Variants in DNER observed in about 807,000 individuals in gnomAD.
DNER encodes the protein delta/notch like EGF repeat containing.
Under a neutral mutation model 78.2 loss-of-function variants are expected in DNER, and 33 were observed. The ratio of observed to expected loss-of-function variants is 0.42; its 90% CI spans 0.32 to 0.56. The LOEUF is 0.56. DNER is among the 20% of genes least tolerant of loss of function. DNER has a pLI of 0.11. For missense variants in DNER, 918 were observed against 975.3 expected, an observed-to-expected ratio of 0.94 and a Z score of 0.78; for synonymous variants, 417 against 384.8, an observed-to-expected ratio of 1.08 and a Z score of -0.98.
chr2:229,430,602 T>G (rs1693982552), intron 8 of DNER, among the ~76,000 whole-genome samples: 1 of 152,062 alleles, frequency 6.6e-6, no homozygotes, highest in Non-Finnish European at 1.5e-5. Context: ...TCTTCAGTTT[T>G]GGAACTCGGA....
intron 1 of DNER, among the ~76,000 whole-genome samples, chr2:229,700,061 G>A (rs1203402880): frequency 2.0e-5 from 3 of 150,842 alleles, no homozygotes; most frequent in Non-Finnish European, 4.4e-5. Flanking sequence ...ATAGGAACAG[G>A]CAATTTCATT....
intron 7 of DNER, among the ~76,000 whole-genome samples, chr2:229,474,126 G>A (rs1382094001): frequency 6.6e-6 from 1 of 152,080 alleles, no homozygotes; most frequent in Non-Finnish European, 1.5e-5. Flanking sequence ...GGCTGGTCTT[G>A]TACTCCTGGC....
intron 1 of DNER, among the ~76,000 whole-genome samples, chr2:229,607,049 A>G (rs562177772): frequency 6.6e-6 from 1 of 152,328 alleles, no homozygotes; most frequent in South Asian, 2.1e-4. Context: ...GCAAAAAATT[A>G]CAAACCATAC....
intron 5 of DNER, among the ~76,000 whole-genome samples, chr2:229,543,026 G>A (rs993446918): frequency 6.6e-6 from 1 of 152,050 alleles, no homozygotes; most frequent in Non-Finnish European, 1.5e-5. Context: ...AATGACAGCC[G>A]AGGCTCTACT....
At chr2:229,417,668 A>G (rs1693680939) in intron 9 of DNER, among the ~76,000 whole-genome samples, 1 of 152,240 alleles carries the variant, frequency 6.6e-6, no homozygotes, top group South Asian at 2.1e-4. Context: ...CCTGTTTTTA[A>G]TAAGCATTAA....
chr2:229,676,495 C>T (rs551925110), intron 1 of DNER, among the ~76,000 whole-genome samples: 4 of 152,172 alleles, frequency 2.6e-5, no homozygotes, highest in African/African-American at 7.2e-5. Context: ...CTGAATGGCC[C>T]GATCCTAAGA....
At chr2:229,368,663 C>A (rs1183135216) in intron 11 of DNER, among the ~76,000 whole-genome samples, 3 of 152,168 alleles carry the variant, frequency 2.0e-5, no homozygotes, top group African/African-American at 7.2e-5. Flanking sequence ...ATATTGATTT[C>A]TTATTATAAA....
chr2:229,477,916 G>A (rs527678234), intron 6 of DNER, among the ~76,000 whole-genome samples: 1 of 152,320 alleles, frequency 6.6e-6, no homozygotes, highest in Admixed American at 6.5e-5. Flanking sequence ...CTACGCACAT[G>A]TGGTGAGGAA....
At chr2:229,517,725 A>G (rs918335424) in intron 5 of DNER, among the ~76,000 whole-genome samples, 4 of 152,190 alleles carry the variant, frequency 2.6e-5, no homozygotes, top group African/African-American at 7.2e-5. Context: ...CAATGTCTGG[A>G]CATACTTTTT....
intron 10 of DNER, among the ~76,000 whole-genome samples, chr2:229,397,419 C>T (rs1693169774): frequency 8.1e-6 from 1 of 123,434 alleles, no homozygotes; most frequent in Non-Finnish European, 1.7e-5. Flanking sequence ...CCTAACAAGA[C>T]AAAAAATTAT....
intron 6 of DNER, among the ~76,000 whole-genome samples, chr2:229,485,082 A>T (rs1695243325): frequency 6.6e-6 from 1 of 152,250 alleles, no homozygotes; most frequent in South Asian, 2.1e-4. Context: ...TATTGAAAAT[A>T]CTGACCTCTC....
intron 5 of DNER, among the ~76,000 whole-genome samples, chr2:229,541,995 T>C (rs1244038316): frequency 6.8e-6 from 1 of 147,348 alleles, no homozygotes; most frequent in Non-Finnish European, 1.5e-5. Flanking sequence ...TATTATATAA[T>C]TAATATATAA....
chr2:229,647,434 A>C (rs1053103982), intron 1 of DNER, among the ~76,000 whole-genome samples: 4 of 152,270 alleles, frequency 2.6e-5, no homozygotes, highest in Non-Finnish European at 5.9e-5. Context: ...GAGAATATTC[A>C]CATCATTGCA....
At chr2:229,396,701 T>C (rs1022306812) in intron 10 of DNER, among the ~76,000 whole-genome samples, 19 of 152,212 alleles carry the variant, frequency 1.2e-4, no homozygotes, top group African/African-American at 4.6e-4. Context: ...CCTTGGTAAT[T>C]GTTATCTGTC....
At chr2:229,419,196 C>A in intron 8 of DNER, among the ~76,000 whole-genome samples, 1 of 152,036 alleles carries the variant, frequency 6.6e-6, no homozygotes, top group Non-Finnish European at 1.5e-5. Flanking sequence ...GTGGATTTTA[C>A]CCTCCTATTT....
intron 11 of DNER, among the ~76,000 whole-genome samples, chr2:229,371,402 T>C (rs547087966): frequency 2.0e-5 from 3 of 152,356 alleles, no homozygotes; most frequent in African/African-American, 7.2e-5. Context: ...ATATGCCAGA[T>C]GGGTTCATCT....
rs6726830 is a variant in DNER, at chr2:229,474,673, T to C, written c.1261+2467A>G. ...AGCCTAGCTGACATCTCCACTTGAC[T>C]ATCACAAGGGTCTCTCACAAGGGTT... is the stretch of plus-strand genomic sequence containing the variant. On this transcript the variant is annotated intron_variant, in intron 7 of 12. Transcript: ENST00000341772. 6.0e-3 allele frequency among the ~76,000 whole-genome samples: 921 copies of C among 152,280 alleles called. 10 individuals carry two copies. The highest frequency in any genetic ancestry group is 0.021 in the African/African-American group (887 of 41,536).
At position 229,714,521 on chromosome 2, in the gene DNER, G is replaced by A; in HGVS notation, c.-98C>T. On this transcript the variant is annotated 5_prime_UTR_variant, in exon 1 of 13. Transcript: ENST00000341772. ...GCTGCGAGAGCGACGGTGGCGGCTAGGGCTGCTCCGCCGGGCCGGGCGCCT... is the reference window on the plus strand; with the variant it reads ...GCTGCGAGAGCGACGGTGGCGGCTAAGGCTGCTCCGCCGGGCCGGGCGCCT... 1 of 1,054,422 alleles carries A rather than the reference G, an allele frequency of 9.5e-7. No homozygotes were observed. Among genetic ancestry groups the A allele is most frequent in the African/African-American group, 1.7e-5 (1 of 58,640 alleles). 65.3% of individuals were successfully genotyped at this position (1,054,422 alleles called of 1,614,324 possible). A position where few individuals can be genotyped will look rare whatever the true frequency, so the allele number is the denominator to read the frequency against.
intron 9 of DNER, among the ~76,000 whole-genome samples, chr2:229,411,375 G>T (rs1225842478): frequency 7.2e-5 from 11 of 152,072 alleles, no homozygotes; most frequent in Non-Finnish European, 1.0e-4. Context: ...TGGCCAACAT[G>T]GTGAAACCCC....
Sources: gnomAD v4.1 joint callset for allele counts (sites outside exome capture counted in the v4.1 genomes callset) on GRCh38, gnomAD v4.1.1 for gene constraint, MANE v1.5 for transcripts, NCBI Gene and HGNC (gene_info 2026-07-23, HGNC 2026-07-21) for gene names.